NAA25: variants seen among roughly 807,000 people sequenced by gnomAD.
NAA25 encodes the protein N-terminal acetyltransferase B complex subunit NAA25.
Under a neutral mutation model 132.5 loss-of-function variants are expected in NAA25, and 30 were observed. The observed-to-expected ratio is 0.23, with a 90% CI of 0.17 to 0.31. The LOEUF (loss-of-function observed/expected upper bound fraction) is 0.31. NAA25 is among the 10% of genes least tolerant of loss of function. NAA25 has a pLI of 1.00. For synonymous variants in NAA25, 359 were observed against 401.9 expected, an observed-to-expected ratio of 0.89 and a Z score of 1.28; for missense variants, 771 against 1,150.4, an observed-to-expected ratio of 0.67 and a Z score of 4.77.
Position 112,043,081 on chromosome 12 carries a change from C to T in NAA25, c.2374+7G>A. Reference sequence around the variant, plus strand: ...AAAGACCCTATAAACACACAGTGTACACTTACCTAAACCACTGGTATCCAG... The same window carrying T: ...AAAGACCCTATAAACACACAGTGTATACTTACCTAAACCACTGGTATCCAG... On this transcript the variant is annotated splice_region_variant and intron_variant, in intron 19 of 23. Coordinates refer to ENST00000261745, the MANE Select transcript of NAA25 (RefSeq NM_024953.4). 2 of 1,607,108 alleles carry T rather than the reference C, an allele frequency of 1.2e-6. No homozygotes were observed. The highest frequency in any genetic ancestry group is 1.1e-5 in the South Asian group (1 of 90,400).
At chr12:112,044,300 T>G (rs547160470) in intron 17 of NAA25, among the ~76,000 whole-genome samples, 1 of 152,248 alleles carries the variant, frequency 6.6e-6, no homozygotes, top group African/African-American at 2.4e-5. Flanking sequence ...ATTTACTAGC[T>G]GAATGACCTA....
intron 1 of NAA25, among the ~76,000 whole-genome samples, chr12:112,097,623 A>T (rs553942882): frequency 6.6e-6 from 1 of 151,896 alleles, no homozygotes; most frequent in Non-Finnish European, 1.5e-5. Flanking sequence ...AAAAAAAAAA[A>T]AAGAGTTGTC....
At chr12:112,094,030 G>T (rs1047820469) in intron 1 of NAA25, among the ~76,000 whole-genome samples, 1 of 151,928 alleles carries the variant, frequency 6.6e-6, no homozygotes, top group Non-Finnish European at 1.5e-5. Context: ...ACGAAGTCAG[G>T]AGATCGAGAC....
Position 112,086,073 on chromosome 12 carries a change from T to TATATACACACACACACACAC in NAA25, c.402+1609_402+1610insGTGTGTGTGTGTGTGTATAT, listed in dbSNP as rs759148501. On this transcript the variant is annotated intron_variant, in intron 4 of 23. Transcript: ENST00000261745. Reference sequence around the variant, plus strand: ...AAAAATATATATATATATATATATATACACACACACACACACACACACACA... The same window carrying TATATACACACACACACACAC: ...AAAAATATATATATATATATATATATATATACACACACACACACACACACACACACACACACACACACACA... Among the ~76,000 whole-genome samples the TATATACACACACACACACAC allele has an allele frequency of 1.9e-4, 10 of 53,982 alleles. No individual in the cohort carries two copies. The East Asian group carries it at 9.2e-3, about 50-fold the overall frequency. 35.4% of individuals were successfully genotyped at this position (53,982 alleles called of 152,430 possible).
Position 112,029,569 on chromosome 12 carries a change from T to A in NAA25, c.2881A>T (p.Lys961Ter). Residue 961 changes from lysine to a stop codon, truncating the protein, a stop_gained, in exon 24 of 24, where the codon AAA (lysine) becomes TAA (stop). Coordinates refer to ENST00000261745, the MANE Select transcript of NAA25 (RefSeq NM_024953.4). LOFTEE classifies it high-confidence loss of function. The stretch of plus-strand genomic sequence containing the variant: ...TTCTTTGTGGTCTCAAGTCTTTTTT[T>A]CAGCAGCTCCCCCATTTCCAGAAGT... Reference protein sequence around the residue: ...HSLLEMGELLKKRLETTKKLK... With the variant: ...HSLLEMGELL 6.2e-7 allele frequency: 1 copy of A among 1,614,128 alleles called. No individual in the cohort carries two copies. Among genetic ancestry groups the A allele is most frequent in the Non-Finnish European group, 8.5e-7 (1 of 1,179,998 alleles).
intron 12 of NAA25, 126 bp downstream of exon 12, chr12:112,061,055 T>C: frequency 1.4e-6 from 1 of 696,594 alleles, no homozygotes; most frequent in Non-Finnish European, 2.4e-6. Flanking sequence ...ACTTAGATGG[T>C]CTTCCCAGAC....
At position 112,027,147 on chromosome 12, in the gene NAA25, C is replaced by T. The variant is rs905521832; in HGVS notation, c.*2384G>A. 4.6e-5 allele frequency: 7 copies of T among 152,260 alleles called. No individual in the cohort carries two copies. The highest frequency in any genetic ancestry group is 8.8e-5 in the Non-Finnish European group (6 of 67,906). 9.4% of individuals were successfully genotyped at this position (152,260 alleles called of 1,614,324 possible). A position where few individuals can be genotyped will look rare whatever the true frequency, so the allele number is the denominator to read the frequency against. ...TGTAAACAGTAGTCGTGATTTTTCT[C>T]CTTTCCTTTTTTAAATATCAGTTTA... On this transcript the variant is annotated 3_prime_UTR_variant, in exon 24 of 24. Transcript: ENST00000261745.
intron 11 of NAA25, among the ~76,000 whole-genome samples, chr12:112,068,203 C>T (rs1738700435): frequency 6.6e-6 from 1 of 152,154 alleles, no homozygotes; most frequent in African/African-American, 2.4e-5. Context: ...CCGTACCTGG[C>T]TGTACTTCAC....
chr12:112,080,355 T>C (rs1329697954), intron 5 of NAA25, among the ~76,000 whole-genome samples: 5 of 151,048 alleles, frequency 3.3e-5, no homozygotes, highest in African/African-American at 7.3e-5. Context: ...AAGTCCCTGT[T>C]TGACATGCTG....
chr12:112,102,097 G>A (rs144934257), intron 1 of NAA25, among the ~76,000 whole-genome samples: 3,072 of 151,000 alleles, frequency 0.02, 55 homozygotes, highest in Non-Finnish European at 0.027. Context: ...TGAAACTCCT[G>A]GACTCAAGTG....
intron 1 of NAA25, among the ~76,000 whole-genome samples, chr12:112,105,021 A>AAAT (rs1009793063): frequency 1.3e-5 from 2 of 151,518 alleles, no homozygotes; most frequent in South Asian, 2.1e-4. Context: ...CTTCTTAAAA[A>AAAT]AATAATAATA....
At chr12:112,033,427 C>G (rs754877532) in intron 22 of NAA25, 48 bp from the exon 23 acceptor site, 13 of 1,513,224 alleles carry the variant, frequency 8.6e-6, no homozygotes, top group Non-Finnish European at 1.2e-5. Context: ...AACATATTAC[C>G]CATATCTACA....
chr12:112,040,430 T>C (rs1024100540), intron 21 of NAA25, 51 bp downstream of exon 21: 2 of 1,132,260 alleles, frequency 1.8e-6, no homozygotes, highest in Admixed American at 3.7e-5. Flanking sequence ...AAATGAATCC[T>C]GTAGACCATT....
At position 112,030,635 on chromosome 12, in the gene NAA25, T is replaced by C. The variant is rs10507236; in HGVS notation, c.2797-982A>G. 0.056 allele frequency among the ~76,000 whole-genome samples: 8,455 copies of C among 152,258 alleles called. 1,310 individuals are homozygous for C. The East Asian group carries it at 0.61, about 11-fold the overall frequency. The stretch of plus-strand genomic sequence containing the variant: ...GTTCTCACAGAGAAAGGAGGTTGGC[T>C]GAAGACTGATTAGGTTTACATGAAG... On this transcript the variant is annotated intron_variant, in intron 23 of 23. Coordinates refer to ENST00000261745, the MANE Select transcript of NAA25 (RefSeq NM_024953.4).
At chr12:112,101,768 CAA>C (rs551338644) in intron 1 of NAA25, among the ~76,000 whole-genome samples, 1 of 140,802 alleles carries the variant, frequency 7.1e-6, no homozygotes, top group African/African-American at 2.6e-5. Flanking sequence ...AAAAATCTAT[CAA>C]AAAAAAAAGA....
chr12:112,068,619 G>A (rs908727886), intron 11 of NAA25, among the ~76,000 whole-genome samples: 4 of 152,062 alleles, frequency 2.6e-5, no homozygotes, highest in African/African-American at 9.7e-5. Flanking sequence ...CCAATTACAT[G>A]TAAATCCATA....
At chr12:112,085,185 A>G (rs2079028371) in intron 4 of NAA25, among the ~76,000 whole-genome samples, 1 of 152,136 alleles carries the variant, frequency 6.6e-6, no homozygotes, top group African/African-American at 2.4e-5. Flanking sequence ...AGCCAAGATC[A>G]CACCACTGCA....
At position 112,078,226 on chromosome 12, in the gene NAA25, T is replaced by A. The variant is rs2078921044; in HGVS notation, c.626A>T (p.Tyr209Phe). 3 of 1,610,648 alleles carry A rather than the reference T, an allele frequency of 1.9e-6. No homozygotes were observed. Among genetic ancestry groups the A allele is most frequent in the Non-Finnish European group, 2.5e-6 (3 of 1,178,962 alleles). Residue 209 changes from tyrosine (Y) to phenylalanine (F), a missense_variant, in exon 7 of 24, where the codon TAC (tyrosine) becomes TTC (phenylalanine). Tyr to Phe is a conservative substitution (Grantham distance 22). Coordinates refer to ENST00000261745, the MANE Select transcript of NAA25 (RefSeq NM_024953.4). Reference sequence around the variant, plus strand: ...TCTGATGACATCCAAGGCCTCCTGGTACTTTCCCAAACGTTCCAGGATCAT... The same window carrying A: ...TCTGATGACATCCAAGGCCTCCTGGAACTTTCCCAAACGTTCCAGGATCAT... ...YYMILERLGK[Y>F]QEALDVIRGK...
At position 112,039,354 on chromosome 12, in the gene NAA25, T is replaced by C; in HGVS notation, c.2539-15A>G. 2 of 1,491,228 alleles carry C rather than the reference T, an allele frequency of 1.3e-6. No homozygotes were observed. The highest frequency in any genetic ancestry group is 1.9e-6 in the Non-Finnish European group (2 of 1,079,118). 92.4% of individuals were successfully genotyped at this position (1,491,228 alleles called of 1,614,324 possible). ...ACAGAAATAGTCTGAAAGGAAAAAT[T>C]GCAAATTCACCAATAAGGATTACAC... On this transcript the variant is annotated splice_polypyrimidine_tract_variant and intron_variant, in intron 21 of 23. Transcript: ENST00000261745.
Sources: allele counts gnomAD v4.1 joint callset (sites outside exome capture counted in the v4.1 genomes callset), GRCh38; gene constraint gnomAD v4.1.1; transcripts MANE v1.5; gene names NCBI Gene and HGNC (gene_info 2026-07-23, HGNC 2026-07-21).